CHLSN: variants seen among roughly 807,000 people sequenced by gnomAD.
The protein encoded by CHLSN is protein cholesin.
the CHLSN span, among the ~76,000 whole-genome samples, chr7:982,568 G>A: frequency 1.3e-5 from 2 of 152,226 alleles, no homozygotes; most frequent in Non-Finnish European, 2.9e-5. Flanking sequence ...CTGCCCGGGC[G>A]GCAGCCCTCG....
the CHLSN span, among the ~76,000 whole-genome samples, chr7:1,134,928 C>G: frequency 6.6e-6 from 1 of 152,146 alleles, no homozygotes; most frequent in African/African-American, 2.4e-5. Context: ...TGCCCTGTCT[C>G]TGACTCCTTT....
the CHLSN span, among the ~76,000 whole-genome samples, chr7:1,123,463 G>T: frequency 7.2e-5 from 11 of 152,124 alleles, no homozygotes; most frequent in African/African-American, 2.7e-4. This position sits in a 1 kb window ranked among gnomAD's most constrained non-coding sequence, Gnocchi z 4.4. Context: ...GTTCATCCAG[G>T]ATCCACTGGG....
the CHLSN span, chr7:1,055,594 C>T: frequency 5.1e-5 from 19 of 374,114 alleles, no homozygotes; most frequent in South Asian, 1.6e-4. Flanking sequence ...GGAGAGAGGA[C>T]GCAGGGGGTT....
chr7:1,083,241 G>A, the CHLSN span, among the ~76,000 whole-genome samples: 322 of 152,360 alleles, frequency 2.1e-3, 1 homozygote, highest in African/African-American at 7.4e-3. Flanking sequence ...AGCCGCACGC[G>A]CCTTCAGTGC....
At chr7:1,078,922 C>G in the CHLSN span, among the ~76,000 whole-genome samples, 13 of 67,576 alleles carry the variant, frequency 1.9e-4, no homozygotes, top group African/African-American at 4.4e-4. Context: ...TCCCCCACCC[C>G]AGCGGGTCAG....
At chr7:1,018,591 G>A in the CHLSN span, among the ~76,000 whole-genome samples, 72 of 152,336 alleles carry the variant, frequency 4.7e-4, no homozygotes, top group African/African-American at 1.7e-3. Context: ...CACGCGGGCG[G>A]GTGGGGTCCA....
At chr7:1,117,603 A>T in the CHLSN span, among the ~76,000 whole-genome samples, 1 of 134,508 alleles carries the variant, frequency 7.4e-6, no homozygotes. Context: ...ACCGGCTTCC[A>T]TCACCGACGC....
chr7:1,039,413 T>TG, the CHLSN span, among the ~76,000 whole-genome samples: 5 of 5,300 alleles, frequency 9.4e-4, 1 homozygote, highest in East Asian at 6.3e-3. Flanking sequence ...GGGAGGGAGG[T>TG]GGGGGGGGGG....
chr7:1,107,078 G>A, the CHLSN span, among the ~76,000 whole-genome samples: 1 of 152,234 alleles, frequency 6.6e-6, no homozygotes, highest in Non-Finnish European at 1.5e-5. Flanking sequence ...TCGACTCCGG[G>A]AAGGAAGGAA....
the CHLSN span, among the ~76,000 whole-genome samples, chr7:1,071,770 G>C: frequency 9.9e-5 from 15 of 152,226 alleles, no homozygotes; most frequent in African/African-American, 3.6e-4. Flanking sequence ...ACCAGCATGG[G>C]ACAAGGTGGA....
the CHLSN span, among the ~76,000 whole-genome samples, chr7:1,017,000 G>GAGCACACAGC: frequency 9.7e-3 from 1,221 of 125,362 alleles, 41 homozygotes; most frequent in African/African-American, 0.034. Flanking sequence ...CAGCGCACAG[G>GAGCACACAGC]AGCACACAGC....
the CHLSN span, among the ~76,000 whole-genome samples, chr7:1,095,039 G>A: frequency 1.3e-5 from 2 of 152,172 alleles, no homozygotes; most frequent in East Asian, 1.9e-4. Context: ...CCAGGCTCAC[G>A]TGTGGCACAG....
At chr7:1,039,967 G>C in the CHLSN span, among the ~76,000 whole-genome samples, 5 of 100,422 alleles carry the variant, frequency 5.0e-5, no homozygotes, top group African/African-American at 2.0e-4. Flanking sequence ...ACAGATGCTT[G>C]AAGGCAGCAT....
the CHLSN span, chr7:986,338 G>T: frequency 1.1e-4 from 53 of 492,620 alleles, 1 homozygote; most frequent in Non-Finnish European, 1.9e-4. Context: ...GAGGTTCAAG[G>T]TTACTTCCAC....
chr7:994,669 AGC>A, the CHLSN span, among the ~76,000 whole-genome samples: 1 of 151,948 alleles, frequency 6.6e-6, no homozygotes, highest in East Asian at 1.9e-4. Flanking sequence ...CAAACTCCTG[AGC>A]TCAAGCGATC....
chr7:985,230 C>T, the CHLSN span: 40 of 1,553,134 alleles, frequency 2.6e-5, no homozygotes, highest in African/African-American at 4.1e-4. Flanking sequence ...CGCTCCTCTT[C>T]GGCCGCCGAT....
the CHLSN span, among the ~76,000 whole-genome samples, chr7:996,113 C>T: frequency 6.6e-6 from 1 of 152,236 alleles, no homozygotes; most frequent in Non-Finnish European, 1.5e-5. Flanking sequence ...CCGTGGGTCA[C>T]AGTGAGGCCA....
the CHLSN span, among the ~76,000 whole-genome samples, chr7:1,016,827 G>GCATGCCAGCA: frequency 0.016 from 925 of 57,822 alleles, 20 homozygotes; most frequent in Admixed American, 0.021. Context: ...GCACAGCAGC[G>GCATGCCAGCA]CACAGCAGCG....
chr7:1,041,330 G>GGGGTCCGCGCTGCAGGGGAACGGGA, the CHLSN span, among the ~76,000 whole-genome samples: 2 of 65,956 alleles, frequency 3.0e-5, no homozygotes, highest in African/African-American at 7.5e-5. Context: ...GGGGAAGGGG[G>GGGGTCCGCGCTGCAGGGGAACGGGA]CCTGGGGTCC....
Sources: gnomAD v4.1 joint callset for allele counts (sites outside exome capture counted in the v4.1 genomes callset) on GRCh38, gnomAD v4.1.1 for gene constraint, Gnocchi (gnomAD v3.1) non-coding constraint, MANE v1.5 for transcripts, NCBI Gene and HGNC (gene_info 2026-07-23, HGNC 2026-07-21) for gene names.